KLF12: variants seen among roughly 807,000 people sequenced by gnomAD.
KLF12 encodes the protein Krueppel-like factor 12.
A neutral mutation model predicts 37.8 loss-of-function variants in KLF12; 9 were observed. The observed-to-expected ratio is 0.24, with a 90% CI of 0.14 to 0.42. KLF12 has a LOEUF of 0.42. Among genes scored for constraint, KLF12 ranks in the 10% least tolerant of loss-of-function variants. KLF12 has a pLI of 1.00. For missense variants in KLF12, 411 were observed against 516.0 expected (o/e 0.80, Z 1.97); for synonymous variants, 208 against 202.1 (o/e 1.03, Z -0.25).
chr13:73,734,988 T>C (rs1877343993), intron 6 of KLF12, among the ~76,000 whole-genome samples: 1 of 151,958 alleles, frequency 6.6e-6, no homozygotes, highest in African/African-American at 2.4e-5. Flanking sequence ...CCACAATCTC[T>C]CCCTTAAGGA....
chr13:73,913,370 T>C (rs1888665180), intron 3 of KLF12, among the ~76,000 whole-genome samples: 1 of 152,142 alleles, frequency 6.6e-6, no homozygotes, highest in Admixed American at 6.5e-5. Context: ...GGAGCCACAG[T>C]CCAGCTACAG....
chr13:74,126,575 T>C (rs1434943403), intron 1 of KLF12, among the ~76,000 whole-genome samples: 1 of 152,220 alleles, frequency 6.6e-6, no homozygotes, highest in East Asian at 1.9e-4. Context: ...GATAATAAAC[T>C]TTCTCATAAC....
chr13:74,260,365 G>A, the KLF12 span, among the ~76,000 whole-genome samples: 1 of 152,006 alleles, frequency 6.6e-6, no homozygotes, highest in Non-Finnish European at 1.5e-5. Flanking sequence ...AGACCAGCCT[G>A]GACAACCTAG....
chr13:74,015,433 A>G (rs1331591222), intron 1 of KLF12, among the ~76,000 whole-genome samples: 1 of 152,178 alleles, frequency 6.6e-6, no homozygotes, highest in Non-Finnish European at 1.5e-5. Flanking sequence ...TGCTTATCAC[A>G]GTGCCCAGCA....
the KLF12 span, among the ~76,000 whole-genome samples, chr13:74,244,684 A>G: frequency 1.3e-5 from 2 of 152,224 alleles, no homozygotes; most frequent in African/African-American, 2.4e-5. Flanking sequence ...TCACAAATGA[A>G]AAATGTATTT....
intron 6 of KLF12, among the ~76,000 whole-genome samples, chr13:73,763,708 C>A (rs1422715858): frequency 6.6e-6 from 1 of 152,220 alleles, no homozygotes; most frequent in East Asian, 1.9e-4. Flanking sequence ...TAGCTTGTGG[C>A]GTGTGATAAG....
the KLF12 span, among the ~76,000 whole-genome samples, chr13:74,139,302 G>A: frequency 0.24 from 36,232 of 152,108 alleles, 5,995 homozygotes; most frequent in African/African-American, 0.47. Flanking sequence ...AACAAGAGCT[G>A]TACTTTAATC....
chr13:74,089,802 GGAA>G (rs1875543011), intron 1 of KLF12, among the ~76,000 whole-genome samples: 1 of 90,810 alleles, frequency 1.1e-5, no homozygotes, highest in Admixed American at 1.3e-4. Context: ...ACATGCAGGG[GGAA>G]AAAAAAAAAA....
chr13:74,260,003 A>G, the KLF12 span: 1 of 152,184 alleles, frequency 6.6e-6, no homozygotes, highest in Admixed American at 6.5e-5. Flanking sequence ...TACTTCTTCT[A>G]AGCATTTTTC....
At chr13:74,217,586 G>A in the KLF12 span, among the ~76,000 whole-genome samples, 2 of 152,092 alleles carry the variant, frequency 1.3e-5, no homozygotes, top group Admixed American at 6.5e-5. Flanking sequence ...AATTAGCCGG[G>A]CGTGGTGGTG....
chr13:74,252,190 C>G, the KLF12 span, among the ~76,000 whole-genome samples: 1 of 152,170 alleles, frequency 6.6e-6, no homozygotes, highest in African/African-American at 2.4e-5. Flanking sequence ...AGATTATTGA[C>G]CTAACGCTTG....
intron 6 of KLF12, among the ~76,000 whole-genome samples, chr13:73,715,961 A>G (rs753819040): frequency 5.9e-5 from 9 of 152,232 alleles, no homozygotes; most frequent in Non-Finnish European, 1.2e-4. Flanking sequence ...TCTGCACTGC[A>G]TGTGACAACA....
intron 1 of KLF12, among the ~76,000 whole-genome samples, chr13:74,042,894 C>G (rs1417559323): frequency 6.6e-6 from 1 of 152,060 alleles, no homozygotes; most frequent in Non-Finnish European, 1.5e-5. Flanking sequence ...CTTTCTAGTA[C>G]CTCAATATCC....
At position 74,001,228 on chromosome 13, in the gene KLF12, G is replaced by C. The variant is rs369370965; in HGVS notation, c.-31-6175C>G. ...TGCTGAAGATGTTAAAAATCTTTGG[G>C]GTTTTGAGAGGCTGGTGGAAGGAAG... On this transcript the variant is annotated intron_variant, in intron 1 of 7. Transcript: ENST00000377669. 2.6e-5 allele frequency among the ~76,000 whole-genome samples: 4 copies of C among 152,262 alleles called. No homozygotes were observed. The East Asian group carries it at 5.8e-4, about 22-fold the overall frequency.
chr13:73,702,249 T>C (rs1874613129), intron 7 of KLF12, among the ~76,000 whole-genome samples: 1 of 152,182 alleles, frequency 6.6e-6, no homozygotes, highest in African/African-American at 2.4e-5. Flanking sequence ...AAAACGGCTG[T>C]CTCTTTCAAT....
At chr13:74,221,958 T>C in the KLF12 span, among the ~76,000 whole-genome samples, 42,347 of 152,136 alleles carry the variant, frequency 0.28, 9,213 homozygotes, top group African/African-American at 0.61. Context: ...CAATTTATCT[T>C]TGCTCAATGA....
At chr13:74,116,242 C>T (rs1877297002) in intron 1 of KLF12, among the ~76,000 whole-genome samples, 1 of 152,118 alleles carries the variant, frequency 6.6e-6, no homozygotes, top group African/African-American at 2.4e-5. Flanking sequence ...AACACAATGC[C>T]CAATGACAGA....
At chr13:74,295,736 A>T in the KLF12 span, among the ~76,000 whole-genome samples, 1 of 152,188 alleles carries the variant, frequency 6.6e-6, no homozygotes, top group South Asian at 2.1e-4. Context: ...ATATAGAGAA[A>T]AATAATTCTG....
At chr13:73,732,153 G>A (rs887806879) in intron 6 of KLF12, among the ~76,000 whole-genome samples, 2 of 148,786 alleles carry the variant, frequency 1.3e-5, no homozygotes, top group Non-Finnish European at 3.0e-5. Flanking sequence ...GCGTGATCTC[G>A]ACTCACTGCA....
Sources: allele counts gnomAD v4.1 joint callset (sites outside exome capture counted in the v4.1 genomes callset), GRCh38; gene constraint gnomAD v4.1.1; transcripts MANE v1.5; gene names NCBI Gene and HGNC (gene_info 2026-07-23, HGNC 2026-07-21).